The following FGF7 variants were observed in gnomAD, a reference collection of about 807,000 sequenced individuals.
FGF7 encodes the protein FGF-7.
FGF7 carries 6 observed loss-of-function variants against 20.5 expected under a neutral mutation model. The observed-to-expected ratio is 0.29, with a 90% CI of 0.16 to 0.58. The LOEUF is 0.58. Among genes scored for constraint, FGF7 ranks in the 20% least tolerant of loss-of-function variants. The pLI, the probability that FGF7 is intolerant of heterozygous loss-of-function variation, is 0.90. For missense variants in FGF7, 144 were observed against 228.8 expected, an observed-to-expected ratio of 0.63 and a Z score of 2.39; for synonymous variants, 64 against 74.7, an observed-to-expected ratio of 0.86 and a Z score of 0.74.
intron 2 of FGF7, among the ~76,000 whole-genome samples, chr15:49,482,247 T>C (rs2056020229): frequency 6.6e-6 from 1 of 152,058 alleles, no homozygotes; most frequent in Non-Finnish European, 1.5e-5. Flanking sequence ...AGATTTTACT[T>C]TATTTAGTGT....
intron 2 of FGF7, among the ~76,000 whole-genome samples, chr15:49,431,716 C>A (rs1388138351): frequency 1.3e-5 from 2 of 151,398 alleles, no homozygotes; most frequent in Non-Finnish European, 3.0e-5. Context: ...GGAAAAAGAG[C>A]AAAAGAGAAA....
At chr15:49,428,543 T>G (rs777186056) in intron 2 of FGF7, among the ~76,000 whole-genome samples, 4 of 152,044 alleles carry the variant, frequency 2.6e-5, no homozygotes, top group Admixed American at 1.3e-4. Context: ...AGGCTATCAT[T>G]CTGCACCTGA....
At chr15:49,454,454 T>C (rs950249337) in intron 2 of FGF7, among the ~76,000 whole-genome samples, 1 of 152,204 alleles carries the variant, frequency 6.6e-6, no homozygotes, top group African/African-American at 2.4e-5. Flanking sequence ...AGAAAATATT[T>C]ACCTATCAGC....
At chr15:49,439,891 G>C (rs1356718674) in intron 2 of FGF7, among the ~76,000 whole-genome samples, 4 of 151,750 alleles carry the variant, frequency 2.6e-5, no homozygotes, top group African/African-American at 9.7e-5. Flanking sequence ...TGAGATCATA[G>C]AGTCCAGAGA....
intron 2 of FGF7, among the ~76,000 whole-genome samples, chr15:49,463,569 T>G (rs1292516208): frequency 8.6e-6 from 1 of 116,916 alleles, no homozygotes. Context: ...AAAAAAAATA[T>G]CCAAACTCAA....
At chr15:49,460,061 A>G (rs764435146) in intron 2 of FGF7, among the ~76,000 whole-genome samples, 2 of 152,136 alleles carry the variant, frequency 1.3e-5, no homozygotes, top group Non-Finnish European at 2.9e-5. Flanking sequence ...TGTCTCTACC[A>G]ACAACAAACT....
At chr15:49,440,118 T>C (rs557423970) in intron 2 of FGF7, among the ~76,000 whole-genome samples, 2 of 151,890 alleles carry the variant, frequency 1.3e-5, no homozygotes, top group East Asian at 3.9e-4. Flanking sequence ...ACATCACGAA[T>C]TAGTGGCAGT....
chr15:49,472,115 G>GA (rs576325470), intron 2 of FGF7, among the ~76,000 whole-genome samples: 236 of 151,974 alleles, frequency 1.6e-3, no homozygotes, highest in African/African-American at 5.4e-3. Context: ...TAGAATAACT[G>GA]AAAAAATAGG....
In FGF7 at chr15:49,484,536, C is replaced by A. The variant is rs746054252; in HGVS notation, c.*32C>A. ...ATGGTATATAAAGAACCAGTTCCAG[C>A]AGGGAGATTTCTTTAAGTGGACTGT... is the stretch of plus-strand genomic sequence containing the variant. On this transcript the variant is annotated 3_prime_UTR_variant, in exon 4 of 4. Transcript: ENST00000267843. 8.2e-6 allele frequency: 10 copies of A among 1,222,442 alleles called. No individual in the cohort carries two copies. The highest frequency in any genetic ancestry group is 9.9e-6 in the Non-Finnish European group (9 of 912,850). 75.7% of individuals were successfully genotyped at this position (1,222,442 alleles called of 1,614,324 possible). A position where few individuals can be genotyped will look rare whatever the true frequency, so the allele number is the denominator to read the frequency against.
intron 2 of FGF7, among the ~76,000 whole-genome samples, chr15:49,472,758 C>A (rs2054892878): frequency 6.6e-6 from 1 of 151,828 alleles, no homozygotes; most frequent in African/African-American, 2.4e-5. Flanking sequence ...AAGAAAAGGG[C>A]TAGAATCAAA....
intron 2 of FGF7, among the ~76,000 whole-genome samples, chr15:49,469,185 T>G (rs962350174): frequency 6.6e-6 from 1 of 152,206 alleles, no homozygotes; most frequent in Admixed American, 6.5e-5. Flanking sequence ...TATTTTCTTA[T>G]AAGACATTTG....
chr15:49,449,418 T>C (rs2052522476), intron 2 of FGF7, among the ~76,000 whole-genome samples: 1 of 152,038 alleles, frequency 6.6e-6, no homozygotes, highest in South Asian at 2.1e-4. Flanking sequence ...GGCTAAGCAA[T>C]GTAAATTCAC....
intron 2 of FGF7, among the ~76,000 whole-genome samples, chr15:49,453,260 T>C (rs2052943878): frequency 6.6e-6 from 1 of 152,072 alleles, no homozygotes; most frequent in Non-Finnish European, 1.5e-5. Flanking sequence ...AATATATACA[T>C]ATTTTCATTA....
intron 2 of FGF7, among the ~76,000 whole-genome samples, chr15:49,445,715 T>C (rs2052134796): frequency 6.6e-6 from 1 of 151,576 alleles, no homozygotes. Context: ...CAAGTTCAGA[T>C]GATAATAGCT....
chr15:49,431,623 G>T (rs2050628018), intron 2 of FGF7, among the ~76,000 whole-genome samples: 2 of 151,762 alleles, frequency 1.3e-5, no homozygotes, highest in South Asian at 4.2e-4. Flanking sequence ...CTCTTCTACT[G>T]GAGTGGTCAT....
intron 2 of FGF7, among the ~76,000 whole-genome samples, chr15:49,457,113 C>T (rs545487793): frequency 2.6e-5 from 4 of 152,074 alleles, no homozygotes; most frequent in South Asian, 4.1e-4. Context: ...TACAGCAAGA[C>T]GTTTGGGTTT....
At chr15:49,475,210 T>C (rs567580288) in intron 2 of FGF7, among the ~76,000 whole-genome samples, 238 of 152,234 alleles carry the variant, frequency 1.6e-3, no homozygotes, top group African/African-American at 5.5e-3. Context: ...AGCCAAACAG[T>C]GCATAAAATA....
chr15:49,435,883 T>C (rs2051057205), intron 2 of FGF7, among the ~76,000 whole-genome samples: 1 of 151,618 alleles, frequency 6.6e-6, no homozygotes, highest in Non-Finnish European at 1.5e-5. Context: ...TCTTACAATG[T>C]ACAACTGGGA....
intron 2 of FGF7, among the ~76,000 whole-genome samples, chr15:49,438,197 T>C (rs778060812): frequency 6.6e-6 from 1 of 151,744 alleles, no homozygotes; most frequent in Non-Finnish European, 1.5e-5. Context: ...GCTTTACCCA[T>C]AGGCTATAAG....
Sources: gnomAD v4.1 joint callset for allele counts (sites outside exome capture counted in the v4.1 genomes callset) on GRCh38, gnomAD v4.1.1 for gene constraint, MANE v1.5 for transcripts, NCBI Gene and HGNC (gene_info 2026-07-23, HGNC 2026-07-21) for gene names.